CSMD3: variants seen among roughly 807,000 people sequenced by gnomAD.
The protein encoded by CSMD3 is CUB and Sushi multiple domains 3, also known as CUB and sushi domain-containing protein 3.
CSMD3 carries 177 observed loss-of-function variants against 435.2 expected under a neutral mutation model. The observed-to-expected ratio is 0.41, with a 90% CI of 0.36 to 0.46. The LOEUF (loss-of-function observed/expected upper bound fraction) is 0.46. Among genes scored for constraint, CSMD3 ranks in the 20% least tolerant of loss-of-function variants. The pLI, the probability that CSMD3 is intolerant of heterozygous loss-of-function variation, is 0.34. For synonymous variants in CSMD3, 1,656 were observed against 1,520.5 expected (o/e 1.09, Z -2.07); for missense variants, 4,265 against 4,504.6 (o/e 0.95, Z 1.52).
chr8:112,303,315 G>C (rs1211858125), intron 52 of CSMD3, among the ~76,000 whole-genome samples: 4 of 152,120 alleles, frequency 2.6e-5, no homozygotes, highest in Non-Finnish European at 5.9e-5. Flanking sequence ...CACCACTTTG[G>C]GAGGTTGAGG....
chr8:113,195,284 T>G (rs1588250562), intron 3 of CSMD3, among the ~76,000 whole-genome samples: 1 of 149,606 alleles, frequency 6.7e-6, no homozygotes, highest in East Asian at 2.0e-4. Context: ...TTTCAGGAAA[T>G]ACATGTGATG....
At chr8:112,255,540 C>T in intron 61 of CSMD3, 113 bp from the exon 62 acceptor site, 1 of 931,520 alleles carries the variant, frequency 1.1e-6, no homozygotes, top group Non-Finnish European at 1.7e-6. Context: ...ATATATTATT[C>T]ATGATAAAGC....
At chr8:113,037,509 A>G (rs1433269430) in intron 5 of CSMD3, among the ~76,000 whole-genome samples, 3 of 152,138 alleles carry the variant, frequency 2.0e-5, no homozygotes, top group Non-Finnish European at 4.4e-5. Context: ...TTTTTCTAAC[A>G]ATCTACAAGC....
chr8:113,173,704 A>G lies in CSMD3; in HGVS notation c.709+18T>C, dbSNP rs996369546. ...CTGGCTGATAACAACTCTCATTTTTAAAGTGTTTTCATTTTACCTCTACAG... is the reference window on the plus strand; with the variant it reads ...CTGGCTGATAACAACTCTCATTTTTGAAGTGTTTTCATTTTACCTCTACAG... On this transcript the variant is annotated intron_variant, in intron 4 of 70. Coordinates refer to ENST00000297405, the MANE Select transcript of CSMD3 (RefSeq NM_198123.2). 18 of 1,571,622 alleles carry G rather than the reference A, an allele frequency of 1.1e-5. No individual in the cohort carries two copies. Among genetic ancestry groups the G allele is most frequent in the Non-Finnish European group, 1.6e-5 (18 of 1,141,926 alleles).
At chr8:112,705,109 G>A (rs1332619037) in intron 13 of CSMD3, among the ~76,000 whole-genome samples, 2 of 152,072 alleles carry the variant, frequency 1.3e-5, no homozygotes, top group African/African-American at 4.8e-5. Context: ...GGCTGCTGAA[G>A]TAGTTCGGGA....
intron 4 of CSMD3, among the ~76,000 whole-genome samples, chr8:113,130,703 T>G (rs1394404254): frequency 1.3e-5 from 2 of 152,156 alleles, no homozygotes; most frequent in Non-Finnish European, 2.9e-5. Context: ...ACTTTGGAAC[T>G]GGGTAATGAA....
At chr8:112,986,888 C>A (rs1308260492) in intron 6 of CSMD3, among the ~76,000 whole-genome samples, 1 of 151,830 alleles carries the variant, frequency 6.6e-6, no homozygotes, top group South Asian at 2.1e-4. Context: ...GTAAAAAATT[C>A]AATGTTCTCA....
At chr8:112,455,583 A>ATAAG (rs1157384407) in intron 32 of CSMD3, among the ~76,000 whole-genome samples, 1 of 127,992 alleles carries the variant, frequency 7.8e-6, no homozygotes, top group Non-Finnish European at 1.6e-5. Flanking sequence ...AATTATAAAA[A>ATAAG]TAAGTAAGTA....
At chr8:112,974,862 A>G (rs1187046711) in intron 7 of CSMD3, among the ~76,000 whole-genome samples, 1 of 151,874 alleles carries the variant, frequency 6.6e-6, no homozygotes, top group Admixed American at 6.6e-5. Context: ...CATTACTTAA[A>G]TCATGGTCTG....
At chr8:112,380,031 A>C (rs867678685) in intron 38 of CSMD3, among the ~76,000 whole-genome samples, 8 of 152,206 alleles carry the variant, frequency 5.3e-5, no homozygotes, top group South Asian at 4.1e-4. Flanking sequence ...ATGCAAAATG[A>C]GTAAGCTTTA....
chr8:112,829,918 C>A (rs1359103954), intron 11 of CSMD3, 129 bp from the exon 12 acceptor site: 8 of 446,628 alleles, frequency 1.8e-5, no homozygotes, highest in East Asian at 3.3e-5. Context: ...CACACACACA[C>A]ACACACACAA....
At chr8:112,442,860 T>C (rs1815184414) in intron 32 of CSMD3, among the ~76,000 whole-genome samples, 1 of 152,176 alleles carries the variant, frequency 6.6e-6, no homozygotes, top group South Asian at 2.1e-4. Flanking sequence ...GATTCAAACA[T>C]GCAGACAAGG....
intron 10 of CSMD3, among the ~76,000 whole-genome samples, chr8:112,869,104 C>A (rs2081062125): frequency 6.6e-6 from 1 of 152,132 alleles, no homozygotes; most frequent in South Asian, 2.1e-4. Context: ...AGGAAAAAAT[C>A]TGGCTCCTGG....
intron 7 of CSMD3, among the ~76,000 whole-genome samples, chr8:112,957,236 T>C (rs2084054099): frequency 6.6e-6 from 1 of 152,182 alleles, no homozygotes; most frequent in African/African-American, 2.4e-5. Flanking sequence ...GTGCTTCTAA[T>C]GACCATATTT....
chr8:112,932,691 C>T lies in CSMD3; in HGVS notation c.1509-10940G>A, dbSNP rs1407526374. 4.0e-5 allele frequency among the ~76,000 whole-genome samples: 6 copies of T among 151,210 alleles called. No homozygotes were observed. The East Asian group carries it at 7.8e-4, about 20-fold the overall frequency. ...GGGAAGGGTGTGCAGTGTGTGTGTG[C>T]GTGGGAGGGGGTACAAAGAGAGGTT... On this transcript the variant is annotated intron_variant, in intron 9 of 70. Coordinates refer to ENST00000297405, the MANE Select transcript of CSMD3 (RefSeq NM_198123.2).
At chr8:113,063,693 CAT>C (rs889292995) in intron 5 of CSMD3, among the ~76,000 whole-genome samples, 11 of 151,988 alleles carry the variant, frequency 7.2e-5, no homozygotes, top group Admixed American at 2.0e-4. Context: ...TTGTTGGAAA[CAT>C]GTGCCTACAA....
chr8:113,192,315 G>T (rs1430309673), intron 3 of CSMD3, among the ~76,000 whole-genome samples: 1 of 151,072 alleles, frequency 6.6e-6, no homozygotes, highest in Non-Finnish European at 1.5e-5. Flanking sequence ...CACAGTTGTT[G>T]TTTTTTTTAT....
intron 32 of CSMD3, among the ~76,000 whole-genome samples, chr8:112,441,914 C>A (rs1334141521): frequency 6.7e-6 from 1 of 149,672 alleles, no homozygotes; most frequent in Non-Finnish European, 1.5e-5. Flanking sequence ...GGACACAGAG[C>A]CAGACCATAT....
chr8:112,452,024 C>A (rs1008893005), intron 32 of CSMD3, among the ~76,000 whole-genome samples: 1 of 152,074 alleles, frequency 6.6e-6, no homozygotes, highest in Non-Finnish European at 1.5e-5. Flanking sequence ...AAATTCTCCC[C>A]AGCTGTGATT....
Sources: allele counts gnomAD v4.1 joint callset (sites outside exome capture counted in the v4.1 genomes callset), GRCh38; gene constraint gnomAD v4.1.1; transcripts MANE v1.5; gene names NCBI Gene and HGNC (gene_info 2026-07-23, HGNC 2026-07-21).